Variants in NOXA1 observed in about 807,000 individuals in gnomAD.
NOXA1 encodes NCF2-like protein.
A neutral mutation model predicts 64.8 loss-of-function variants in NOXA1; 56 were observed. That is an observed-to-expected ratio of 0.86 (90% CI 0.70 to 1.08). The LOEUF is 1.08. Among genes scored for constraint, NOXA1 ranks in the 50% least tolerant of loss-of-function variants. The pLI is 0.00. For synonymous variants in NOXA1, 295 were observed against 294.8 expected (o/e 1.00, Z -0.01); for missense variants, 668 against 658.5 (o/e 1.01, Z -0.16).
At chr9:137,429,724 A>G (rs2131883754) in intron 5 of NOXA1, among the ~76,000 whole-genome samples, 1 of 151,030 alleles carries the variant, frequency 6.6e-6, no homozygotes, top group South Asian at 2.1e-4. Flanking sequence ...GCGTCCTTTC[A>G]TGCCTTTGTG....
chr9:137,423,520 A>G lies in NOXA1; in HGVS notation c.-10A>G. On this transcript the variant is annotated 5_prime_UTR_variant, in exon 1 of 14. Coordinates refer to ENST00000683555, the MANE Select transcript of NOXA1 (RefSeq NM_001256067.2). The stretch of plus-strand genomic sequence containing the variant: ...TCCTGGCCCCTCCTCGAGCGCCGCC[A>G]CCGGCCGCCATGGCCTCTCTGGGGG... 7.4e-7 allele frequency: 1 copy of G among 1,349,770 alleles called. No individual in the cohort carries two copies. The highest frequency in any genetic ancestry group is 9.5e-7 in the Non-Finnish European group (1 of 1,051,408). The allele number at this position is 1,349,770 out of a possible 1,614,324, so 83.6% of individuals were successfully genotyped here.
intron 5 of NOXA1, among the ~76,000 whole-genome samples, chr9:137,429,849 CGGGGG>C (rs34530089): frequency 5.9e-3 from 19 of 3,230 alleles, no homozygotes; most frequent in East Asian, 0.015. Context: ...AGCGAGGTCC[CGGGGG>C]GGGGGGGTCC....
At chr9:137,425,345 T>A (rs1253945739) in intron 1 of NOXA1, among the ~76,000 whole-genome samples, 1 of 152,186 alleles carries the variant, frequency 6.6e-6, no homozygotes, top group African/African-American at 2.4e-5. Flanking sequence ...TCTAATAGAT[T>A]TCTAGGGTGT....
At chr9:137,433,145 C>G in intron 9 of NOXA1, 60 bp from the exon 10 acceptor site, 14 of 1,609,380 alleles carry the variant, frequency 8.7e-6, no homozygotes, top group Non-Finnish European at 1.2e-5. Flanking sequence ...GCCGGCTGCC[C>G]TCCACCCACA....
chr9:137,427,131 CAT>C (rs1838873177), intron 2 of NOXA1, among the ~76,000 whole-genome samples: 1 of 152,168 alleles, frequency 6.6e-6, no homozygotes, highest in Non-Finnish European at 1.5e-5. Context: ...ATTTGAGAAA[CAT>C]AAAAACACGA....
intron 13 of NOXA1, 22 bp downstream of exon 13, chr9:137,434,101 C>T (rs761211486): frequency 1.1e-5 from 17 of 1,583,080 alleles, no homozygotes; most frequent in Non-Finnish European, 1.5e-5. Context: ...ATGGCCCTTC[C>T]CAGGCAGCAC....
At chr9:137,428,801 A>AG (rs1838958502) in intron 3 of NOXA1, 81 bp from the exon 4 acceptor site, 1 of 1,147,838 alleles carries the variant, frequency 8.7e-7, no homozygotes. Flanking sequence ...GGGCAGACCG[A>AG]GGGAGGAGCT....
intron 1 of NOXA1, among the ~76,000 whole-genome samples, chr9:137,424,896 C>G (rs1421269402): frequency 6.6e-6 from 1 of 152,232 alleles, no homozygotes; most frequent in East Asian, 1.9e-4. Context: ...AGTCATACGA[C>G]TAACCCACAG....
chr9:137,424,716 A>G (rs1253283944), intron 1 of NOXA1, among the ~76,000 whole-genome samples: 1 of 152,164 alleles, frequency 6.6e-6, no homozygotes, highest in African/African-American at 2.4e-5. Context: ...GGGATTACAC[A>G]TGTGAGCCAC....
In NOXA1 at chr9:137,434,396, C is replaced by G; in HGVS notation, c.*36C>G. The G allele has an allele frequency of 1.3e-6, 2 of 1,536,240 alleles. No individual in the cohort carries two copies. Among genetic ancestry groups the G allele is most frequent in the Non-Finnish European group, 1.8e-6 (2 of 1,141,368 alleles). On this transcript the variant is annotated 3_prime_UTR_variant, in exon 14 of 14. Transcript: ENST00000683555. ...TCCATGATGCTTTTAATAAAAACAA[C>G]CCCCACTGCAGTCTCACCCTCCAAG...
intron 1 of NOXA1, among the ~76,000 whole-genome samples, chr9:137,425,443 T>TC (rs1422788682): frequency 6.6e-6 from 1 of 152,040 alleles, no homozygotes; most frequent in Non-Finnish European, 1.5e-5. Flanking sequence ...TGGAGTGCAG[T>TC]GGTGCGATCT....
In NOXA1 at chr9:137,428,034, T is replaced by C; in HGVS notation, c.262T>C (p.Phe88Leu). 2 of 1,568,824 alleles carry C rather than the reference T, an allele frequency of 1.3e-6. No individual in the cohort carries two copies. Among genetic ancestry groups the C allele is most frequent in the Non-Finnish European group, 1.7e-6 (2 of 1,157,438 alleles). ...TGAGGGGACCCCGGCTGCCCACAGGTTCCAGGAGGCTCTGTCTGACTTCTG... is the reference window on the plus strand; with the variant it reads ...TGAGGGGACCCCGGCTGCCCACAGGCTCCAGGAGGCTCTGTCTGACTTCTG... ...RGVANFQLAR[F>L]QEALSDFWLA... The change falls in exon 3 of 14, where the codon TTC (phenylalanine) becomes CTC (leucine). Residue 88 changes from phenylalanine (F) to leucine (L), a missense_variant and splice_region_variant. Coordinates refer to ENST00000683555, the MANE Select transcript of NOXA1 (RefSeq NM_001256067.2).
chr9:137,426,124 G>A (rs1215311856), intron 1 of NOXA1, 124 bp from the exon 2 acceptor site: 2 of 819,734 alleles, frequency 2.4e-6, no homozygotes, highest in Non-Finnish European at 4.1e-6. Context: ...AGGAGCAGGA[G>A]GGGCTGTGGG....
intron 8 of NOXA1, among the ~76,000 whole-genome samples, chr9:137,432,142 C>T (rs548048007): frequency 5.3e-5 from 8 of 152,094 alleles, no homozygotes; most frequent in South Asian, 4.2e-4. Flanking sequence ...CAATCGAGGC[C>T]GGGCACAGTG....
intron 3 of NOXA1, 33 bp downstream of exon 3, chr9:137,428,174 C>A: frequency 1.3e-6 from 2 of 1,482,860 alleles, no homozygotes; most frequent in Non-Finnish European, 1.8e-6. Flanking sequence ...GTGCTGCTGG[C>A]TGTGGGGTGT....
At chr9:137,426,132 G>T in intron 1 of NOXA1, 116 bp from the exon 2 acceptor site, 2 of 910,404 alleles carry the variant, frequency 2.2e-6, no homozygotes, top group East Asian at 2.5e-5. Flanking sequence ...GAGGGGCTGT[G>T]GGGGGTCCCC....
rs1393090526 is a variant in NOXA1 at position 137,423,624 on chromosome 9, G to A, written c.95G>A (p.Gly32Asp). Reference protein sequence around the residue: ...DWARALHLFSGVPAPPARLCF... With the variant: ...DWARALHLFSDVPAPPARLCF... ...GCCCGCGCCTTGCACCTCTTCTCGGGCGTCCCGGCGCCGCCCGCCAGGCTG... is the reference window on the plus strand; with the variant it reads ...GCCCGCGCCTTGCACCTCTTCTCGGACGTCCCGGCGCCGCCCGCCAGGCTG... The change falls in exon 1 of 14, where the codon GGC (glycine) becomes GAC (aspartate). Residue 32 changes from glycine (G) to aspartate (D), a missense_variant. Gly to Asp is a moderately conservative substitution (Grantham distance 94). Transcript: ENST00000683555. 7 of 1,450,186 alleles carry A rather than the reference G, an allele frequency of 4.8e-6. No homozygotes were observed. The African/African-American group carries it at 1.0e-4, about 21-fold the overall frequency. The allele number at this position is 1,450,186 out of a possible 1,614,324, so 89.8% of individuals were successfully genotyped here.
chr9:137,430,503 T>A (rs934846315), intron 5 of NOXA1, among the ~76,000 whole-genome samples: 1 of 152,266 alleles, frequency 6.6e-6, no homozygotes, highest in African/African-American at 2.4e-5. Context: ...CTGAGCTGTG[T>A]TAATGCATTA....
In NOXA1 at chr9:137,434,271, T is replaced by A. The variant is rs1839268095; in HGVS notation, c.1342T>A (p.Phe448Ile). The change falls in exon 14 of 14, where the codon TTC becomes ATC. Residue 448 changes from phenylalanine (F) to isoleucine (I), a missense_variant. Coordinates refer to ENST00000683555, the MANE Select transcript of NOXA1 (RefSeq NM_001256067.2). The part of the protein sequence containing the change: ...EGHCDGRIGI[F>I]PKCFVVPAGP... Reference sequence around the variant, plus strand: ...CCACTGTGACGGCCGCATCGGCATCTTCCCCAAGTGCTTCGTGGTCCCCGC... The same window carrying A: ...CCACTGTGACGGCCGCATCGGCATCATCCCCAAGTGCTTCGTGGTCCCCGC... 1.9e-6 allele frequency: 3 copies of A among 1,610,968 alleles called. No homozygotes were observed. Among genetic ancestry groups the A allele is most frequent in the Admixed American group, 1.7e-5 (1 of 59,962 alleles).
Sources: gnomAD v4.1 joint callset for allele counts (sites outside exome capture counted in the v4.1 genomes callset) on GRCh38, gnomAD v4.1.1 for gene constraint, MANE v1.5 for transcripts, NCBI Gene and HGNC (gene_info 2026-07-23, HGNC 2026-07-21) for gene names.